The following TMEM117 variants were observed in gnomAD, a reference collection of about 807,000 sequenced individuals.
The protein encoded by TMEM117 is transmembrane protein 117.
Under a neutral mutation model 52.4 loss-of-function variants are expected in TMEM117, and 27 were observed. The observed-to-expected ratio is 0.51, with a 90% CI of 0.38 to 0.71. The LOEUF (loss-of-function observed/expected upper bound fraction) is 0.71, where lower values mean the gene tolerates loss of function less well. Among genes scored for constraint, TMEM117 ranks in the 30% least tolerant of loss-of-function variants. The pLI is 0.00. For synonymous variants in TMEM117, 215 were observed against 206.3 expected (o/e 1.04, Z -0.36); for missense variants, 556 against 630.5 (o/e 0.88, Z 1.26).
chr12:44,201,092 T>G (rs1392505354), intron 4 of TMEM117, among the ~76,000 whole-genome samples: 1 of 152,092 alleles, frequency 6.6e-6, no homozygotes, highest in Non-Finnish European at 1.5e-5. Flanking sequence ...TTTTTTAAAA[T>G]TAGGGAAGTA....
chr12:44,240,184 C>T (rs1950044375), intron 5 of TMEM117, among the ~76,000 whole-genome samples: 1 of 152,098 alleles, frequency 6.6e-6, no homozygotes. Context: ...TTTATAGATT[C>T]CCAACCTCCT....
At chr12:44,024,661 A>T (rs1247892283) in intron 3 of TMEM117, among the ~76,000 whole-genome samples, 1 of 152,028 alleles carries the variant, frequency 6.6e-6, no homozygotes, top group Non-Finnish European at 1.5e-5. Flanking sequence ...GTAGGAAAAC[A>T]GCAAATGGAA....
chr12:43,918,791 C>G (rs1286776441), intron 2 of TMEM117, among the ~76,000 whole-genome samples: 1 of 152,218 alleles, frequency 6.6e-6, no homozygotes, highest in East Asian at 1.9e-4. Context: ...AATATTCTCA[C>G]CATGCCTCTG....
the TMEM117 span, chr12:43,806,271 C>A: frequency 3.3e-6 from 5 of 1,517,752 alleles, no homozygotes; most frequent in Non-Finnish European, 4.4e-6. Flanking sequence ...CTCCCGGCTC[C>A]GGCGCTGAGT....
chr12:43,845,039 C>A, intron 2 of TMEM117, 111 bp downstream of exon 2: 1 of 1,277,110 alleles, frequency 7.8e-7, no homozygotes, highest in South Asian at 1.5e-5. Flanking sequence ...TTAGTTTGTC[C>A]TCCTGCCTTA....
chr12:44,047,304 C>T (rs916622107), intron 3 of TMEM117, among the ~76,000 whole-genome samples: 7 of 152,132 alleles, frequency 4.6e-5, no homozygotes, highest in African/African-American at 1.7e-4. Flanking sequence ...CATTTGAGCT[C>T]ATAATCCATG....
chr12:43,940,626 C>T (rs1945029260), intron 2 of TMEM117, among the ~76,000 whole-genome samples: 1 of 152,036 alleles, frequency 6.6e-6, no homozygotes, highest in Non-Finnish European at 1.5e-5. Context: ...ACTGCAACCT[C>T]CAACTCCCGG....
At chr12:44,119,740 A>G (rs1308018805) in intron 3 of TMEM117, among the ~76,000 whole-genome samples, 1 of 152,190 alleles carries the variant, frequency 6.6e-6, no homozygotes, top group Admixed American at 6.5e-5. Flanking sequence ...GGAGGTTAAG[A>G]AAAATACTGA....
At chr12:44,396,604 A>G in the TMEM117 span, among the ~76,000 whole-genome samples, 1 of 152,190 alleles carries the variant, frequency 6.6e-6, no homozygotes. Context: ...CTGTAATCCC[A>G]GCAATTTGGG....
chr12:44,269,227 A>G (rs975359977), intron 5 of TMEM117, among the ~76,000 whole-genome samples: 4 of 152,144 alleles, frequency 2.6e-5, no homozygotes, highest in African/African-American at 9.7e-5. Flanking sequence ...TAAAAACAAA[A>G]ATAAAAATTC....
intron 2 of TMEM117, among the ~76,000 whole-genome samples, chr12:43,925,591 G>A (rs1944766102): frequency 6.6e-6 from 1 of 152,112 alleles, no homozygotes; most frequent in South Asian, 2.1e-4. Context: ...CCAATGGTAT[G>A]GTTTCCCAGG....
rs147261522 is a variant in TMEM117 at position 44,058,900 on chromosome 12, C to T, written c.411-84625C>T. Among the ~76,000 whole-genome samples the T allele has an allele frequency of 1.4e-4, 21 of 152,202 alleles. No homozygotes were observed. In the East Asian group the frequency reaches 2.3e-3, roughly 17 times the overall value. On this transcript the variant is annotated intron_variant, in intron 3 of 7. Coordinates refer to ENST00000266534, the MANE Select transcript of TMEM117 (RefSeq NM_032256.3). ...TTCAAAGGTATCTATAGCAGTGGTCCGCAACCTTTTTGGTGCCAGGGACCG... is the reference window on the plus strand; with the variant it reads ...TTCAAAGGTATCTATAGCAGTGGTCTGCAACCTTTTTGGTGCCAGGGACCG...
chr12:43,959,593 C>G (rs576806012), intron 3 of TMEM117, among the ~76,000 whole-genome samples: 4 of 152,190 alleles, frequency 2.6e-5, no homozygotes, highest in African/African-American at 9.6e-5. Context: ...CACATTTTTA[C>G]TGATAAGAAC....
chr12:44,157,094 G>A (rs1231701152), intron 4 of TMEM117, among the ~76,000 whole-genome samples: 5 of 152,116 alleles, frequency 3.3e-5, no homozygotes, highest in Non-Finnish European at 7.4e-5. Context: ...ACCGCTTTCA[G>A]TTCATAATAT....
chr12:44,081,697 GATTT>G (rs1414097223), intron 3 of TMEM117, among the ~76,000 whole-genome samples: 5 of 151,852 alleles, frequency 3.3e-5, no homozygotes, highest in African/African-American at 1.2e-4. Flanking sequence ...CTTCTTTGGG[GATTT>G]ATTTGAGACT....
intron 2 of TMEM117, among the ~76,000 whole-genome samples, chr12:43,882,085 A>T (rs981421503): frequency 1.3e-4 from 20 of 152,024 alleles, no homozygotes; most frequent in African/African-American, 4.1e-4. Context: ...AAAAACAAAC[A>T]AACTAAAAAA....
the TMEM117 span, among the ~76,000 whole-genome samples, chr12:44,396,494 T>A: frequency 1.3e-5 from 2 of 152,030 alleles, no homozygotes; most frequent in Admixed American, 6.6e-5. Context: ...TAATTAGCTT[T>A]ATAGTTTCTG....
At chr12:44,152,186 A>T (rs1375867538) in intron 4 of TMEM117, among the ~76,000 whole-genome samples, 4 of 108,736 alleles carry the variant, frequency 3.7e-5, no homozygotes, top group Non-Finnish European at 4.9e-5. Context: ...ATATTTATAA[A>T]ATATATATAA....
intron 5 of TMEM117, among the ~76,000 whole-genome samples, chr12:44,268,610 T>G (rs1950408775): frequency 6.6e-6 from 1 of 152,160 alleles, no homozygotes; most frequent in Non-Finnish European, 1.5e-5. Context: ...ATAAATATAT[T>G]TGTTACATAT....
Sources: gnomAD v4.1 joint callset for allele counts (sites outside exome capture counted in the v4.1 genomes callset) on GRCh38, gnomAD v4.1.1 for gene constraint, MANE v1.5 for transcripts, NCBI Gene and HGNC (gene_info 2026-07-23, HGNC 2026-07-21) for gene names.